The following ZNF649 variants were observed in gnomAD, a reference collection of about 807,000 sequenced individuals.
ZNF649 encodes zinc finger protein 649.
Under a neutral mutation model 14.1 loss-of-function variants are expected in ZNF649, and 7 were observed. The ratio of observed to expected loss-of-function variants is 0.49; its 90% CI spans 0.28 to 0.93. The LOEUF (loss-of-function observed/expected upper bound fraction) is 0.93. Among genes scored for constraint, ZNF649 ranks in the 40% least tolerant of loss-of-function variants. The probability of loss-of-function intolerance (pLI) is 0.10; values close to 1 mark genes in which losing one functional copy is unlikely to be tolerated. For synonymous variants in ZNF649, 227 were observed against 212.3 expected, an observed-to-expected ratio of 1.07 and a Z score of -0.60; for missense variants, 544 against 608.1, an observed-to-expected ratio of 0.89 and a Z score of 1.11.
intron 2 of ZNF649, among the ~76,000 whole-genome samples, chr19:51,897,552 T>G (rs1177408122): frequency 6.6e-6 from 1 of 152,122 alleles, no homozygotes; most frequent in Non-Finnish European, 1.5e-5. Context: ...CCATGATATT[T>G]AGCAAAACAA....
At position 51,896,838 on chromosome 19, in the gene ZNF649, G is replaced by A; in HGVS notation, c.142+14C>T. On this transcript the variant is annotated intron_variant, in intron 3 of 4. Transcript: ENST00000354957. Reference sequence around the variant, plus strand: ...CTGGGTACCCTCTGAGTGACACAGGGCAGCTGTCCTCACCCACTGACACAA... The same window carrying A: ...CTGGGTACCCTCTGAGTGACACAGGACAGCTGTCCTCACCCACTGACACAA... The A allele has an allele frequency of 6.2e-7, 1 of 1,614,102 alleles. No homozygotes were observed. Among genetic ancestry groups the A allele is most frequent in the Non-Finnish European group, 8.5e-7 (1 of 1,180,018 alleles).
At chr19:51,894,838 G>A (rs886644925) in intron 4 of ZNF649, among the ~76,000 whole-genome samples, 4 of 151,902 alleles carry the variant, frequency 2.6e-5, no homozygotes, top group East Asian at 1.9e-4. Flanking sequence ...AACAGCCCCC[G>A]AGAGAGCTTC....
intron 4 of ZNF649, among the ~76,000 whole-genome samples, chr19:51,893,582 T>C (rs1234943189): frequency 2.0e-5 from 3 of 152,332 alleles, no homozygotes; most frequent in Non-Finnish European, 2.9e-5. Context: ...GGGTGATCCC[T>C]ATGGACTTTC....
chr19:51,900,129 C>T lies in ZNF649; in HGVS notation c.-22G>A. 2 of 1,495,154 alleles carry T rather than the reference C, an allele frequency of 1.3e-6. No individual in the cohort carries two copies. Among genetic ancestry groups the T allele is most frequent in the Non-Finnish European group, 1.8e-6 (2 of 1,119,676 alleles). 92.6% of individuals were successfully genotyped at this position (1,495,154 alleles called of 1,614,324 possible). ...TCATTTTCTTCTGTTTCAGGAAATACCCAAGAACTGGGATGCTTCGTCTTT... is the reference window on the plus strand; with the variant it reads ...TCATTTTCTTCTGTTTCAGGAAATATCCAAGAACTGGGATGCTTCGTCTTT... On this transcript the variant is annotated 5_prime_UTR_variant, in exon 2 of 5. Transcript: ENST00000354957.
intron 1 of ZNF649, among the ~76,000 whole-genome samples, chr19:51,904,562 G>A (rs1251286467): frequency 6.6e-6 from 1 of 151,906 alleles, no homozygotes; most frequent in South Asian, 2.1e-4. Flanking sequence ...ACCCTCGTAC[G>A]CTGCCCAGCA....
At chr19:51,901,449 A>G (rs1291886375) in intron 1 of ZNF649, among the ~76,000 whole-genome samples, 2 of 152,164 alleles carry the variant, frequency 1.3e-5, no homozygotes, top group African/African-American at 2.4e-5. Flanking sequence ...TTAGGTCATG[A>G]GGGCTCCTCC....
intron 1 of ZNF649, among the ~76,000 whole-genome samples, chr19:51,903,536 T>C (rs961083807): frequency 2.0e-4 from 30 of 152,162 alleles, no homozygotes; most frequent in African/African-American, 7.2e-4. Flanking sequence ...GTAACAATCA[T>C]AGCTAGGCGC....
rs867869316 is a variant in ZNF649, at chr19:51,891,181, T to C, written c.955A>G (p.Thr319Ala). The change falls in exon 5 of 5, where the codon ACA (threonine) becomes GCA (alanine). Residue 319 changes from threonine to alanine, a missense_variant. Transcript: ENST00000354957. The surrounding 1 kb of genome is among the most constrained non-coding windows in gnomAD (Gnocchi z 4.2). ...QRTHTGEKPH[T>A]CSECGKGFIQ... ...AAGCCTTTTCCACATTCACTGCATG[T>C]ATGAGGCTTCTCTCCTGTATGAGTT... 6.2e-7 allele frequency: 1 copy of C among 1,614,130 alleles called. No individual in the cohort carries two copies. Among genetic ancestry groups the C allele is most frequent in the Non-Finnish European group, 8.5e-7 (1 of 1,180,048 alleles).
chr19:51,894,323 A>G (rs1465994117), intron 4 of ZNF649, among the ~76,000 whole-genome samples: 1 of 152,022 alleles, frequency 6.6e-6, no homozygotes, highest in African/African-American at 2.4e-5. Flanking sequence ...ATGTAGAGAC[A>G]GGGTTTCACC....
At chr19:51,892,013 G>T in intron 4 of ZNF649, 116 bp from the exon 5 acceptor site, 1 of 1,173,194 alleles carries the variant, frequency 8.5e-7, no homozygotes, top group Non-Finnish European at 1.2e-6. Context: ...AACATGGAAG[G>T]AATTCCAAGT....
chr19:51,896,667 T>C (rs1323427475), intron 3 of ZNF649, 100 bp from the exon 4 acceptor site: 11 of 1,522,060 alleles, frequency 7.2e-6, no homozygotes, highest in Admixed American at 1.7e-5. Flanking sequence ...ATAATTTGCA[T>C]GTTAGCAAAT....
At chr19:51,895,192 G>A (rs958977842) in intron 4 of ZNF649, among the ~76,000 whole-genome samples, 11 of 152,108 alleles carry the variant, frequency 7.2e-5, no homozygotes, top group Non-Finnish European at 7.4e-5. Context: ...AGTAGAATGG[G>A]AATTTAGACA....
Position 51,891,659 on chromosome 19 carries a change from GA to G in ZNF649, c.476del (p.Ile159ThrfsTer16), listed in dbSNP as rs1568454890. 4.3e-6 allele frequency: 7 copies of G among 1,614,162 alleles called. No individual in the cohort carries two copies. The highest frequency in any genetic ancestry group is 5.9e-6 in the Non-Finnish European group (7 of 1,180,030). ...GTTTAAGGAATTGTGACTTGGTGCTGATGGGTTTTCTACTTTCAGGGAATTC... is the reference window on the plus strand; with the variant it reads ...GTTTAAGGAATTGTGACTTGGTGCTGTGGGTTTTCTACTTTCAGGGAATTC... ...EIEFPESRKP[I>X]STKSQFLKHQ... On this transcript the variant is annotated frameshift_variant, in exon 5 of 5. Transcript: ENST00000354957. LOFTEE classifies it low-confidence loss of function (END_TRUNC). This position sits in a 1 kb window ranked among gnomAD's most constrained non-coding sequence, Gnocchi z 4.2.
chr19:51,895,596 C>T (rs2085056322), intron 4 of ZNF649, among the ~76,000 whole-genome samples: 1 of 152,096 alleles, frequency 6.6e-6, no homozygotes, highest in Non-Finnish European at 1.5e-5. Context: ...CCCGCCTCAG[C>T]CTCCCAAAGT....
Position 51,891,900 on chromosome 19 carries a change from A to G in ZNF649, c.239-3T>C, listed in dbSNP as rs780235759. 2 of 1,547,234 alleles carry G rather than the reference A, an allele frequency of 1.3e-6. No homozygotes were observed. Among genetic ancestry groups the G allele is most frequent in the Non-Finnish European group, 1.7e-6 (2 of 1,154,284 alleles). On this transcript the variant is annotated splice_region_variant and splice_polypyrimidine_tract_variant and intron_variant, in intron 4 of 4. Transcript: ENST00000354957. The surrounding 1 kb of genome is among the most constrained non-coding windows in gnomAD (Gnocchi z 4.2). ...ATGATCATCAGCTTTCTCAATTTCT[A>G]AGAGAGAGAACAATAAATCCTTCCA...
chr19:51,899,727 A>G lies in ZNF649; in HGVS notation c.15+366T>C, dbSNP rs1193217371. ...ACTAATTTCCCAAGATTTAAGTGCC[A>G]TGAAATACTGACATCCCCTGAGGAA... On this transcript the variant is annotated intron_variant, in intron 2 of 4. Transcript: ENST00000354957. 6 of 210,034 alleles carry G rather than the reference A, an allele frequency of 2.9e-5. No individual in the cohort carries two copies. In the East Asian group the frequency reaches 6.2e-4, roughly 22 times the overall value. 13.0% of individuals were successfully genotyped at this position (210,034 alleles called of 1,614,324 possible).
chr19:51,890,721 CTG>C lies in ZNF649; in HGVS notation c.1413_1414del (p.His471GlnfsTer5), dbSNP rs1279974637. On this transcript the variant is annotated frameshift_variant, in exon 5 of 5. Coordinates refer to ENST00000354957, the MANE Select transcript of ZNF649 (RefSeq NM_023074.4). LOFTEE classifies it low-confidence loss of function (END_TRUNC). ...CTGCACATGTTCACTAGGACTTAAG[CTG>C]TGACTTGCTGTGGAAGGATTTTCCA... is the stretch of plus-strand genomic sequence containing the variant. The C allele has an allele frequency of 6.2e-7, 1 of 1,614,108 alleles. No homozygotes were observed. Among genetic ancestry groups the C allele is most frequent in the Non-Finnish European group, 8.5e-7 (1 of 1,180,054 alleles).
In ZNF649 at chr19:51,896,948, C is replaced by A; in HGVS notation, c.46G>T (p.Asp16Tyr). Residue 16 changes from aspartate (D) to tyrosine (Y), a missense_variant, in exon 3 of 5, where the codon GAC becomes TAC. Transcript: ENST00000354957. ...ESLTLEDVAV[D>Y]FTWEEWQFLS... ...AACTGCCACTCCTCCCAGGTGAAGT[C>A]CACAGCCACATCCTCCAGGGTCAGT... The A allele has an allele frequency of 6.2e-7, 1 of 1,614,214 alleles. No individual in the cohort carries two copies. The highest frequency in any genetic ancestry group is 1.1e-5 in the South Asian group (1 of 91,086).
intron 4 of ZNF649, chr19:51,895,995 C>T (rs1344819958): frequency 6.3e-6 from 1 of 158,620 alleles, no homozygotes; most frequent in Non-Finnish European, 1.4e-5. Flanking sequence ...GATGCCGTAT[C>T]AGGTAGATAG....
Sources: gnomAD v4.1 joint callset for allele counts (sites outside exome capture counted in the v4.1 genomes callset) on GRCh38, gnomAD v4.1.1 for gene constraint, Gnocchi (gnomAD v3.1) non-coding constraint, MANE v1.5 for transcripts, NCBI Gene and HGNC (gene_info 2026-07-23, HGNC 2026-07-21) for gene names.